The following DHTKD1 variants were observed in gnomAD, a reference collection of about 807,000 sequenced individuals.
DHTKD1 encodes the protein 2-oxoadipate dehydrogenase complex component E1.
DHTKD1 carries 78 observed loss-of-function variants against 101.8 expected under a neutral mutation model. The observed-to-expected ratio is 0.77, with a 90% confidence interval of 0.64 to 0.93. The LOEUF (loss-of-function observed/expected upper bound fraction) is 0.93. Among genes scored for constraint, DHTKD1 ranks in the 40% least tolerant of loss-of-function variants. The pLI, the probability that DHTKD1 is intolerant of heterozygous loss-of-function variation, is 0.00. For missense variants in DHTKD1, 1,223 were observed against 1,161.7 expected (o/e 1.05, Z -0.77); for synonymous variants, 462 against 450.3 (o/e 1.03, Z -0.33).
At chr10:12,084,779 G>T (rs1422742836) in intron 3 of DHTKD1, 28 bp downstream of exon 3, 33 of 1,603,804 alleles carry the variant, frequency 2.1e-5, no homozygotes, top group Non-Finnish European at 2.7e-5. Flanking sequence ...GGCCGGGCAC[G>T]GTGGCTCATG....
rs7914993 is a variant in DHTKD1 at position 12,119,074 on chromosome 10, A to G, written c.2572+156A>G. 0.51 allele frequency among the ~76,000 whole-genome samples: 76,854 copies of G among 151,434 alleles called. 20,121 individuals are homozygous for G. The highest frequency in any genetic ancestry group is 0.59 in the Non-Finnish European group (39,795 of 67,832). On this transcript the variant is annotated intron_variant, in intron 15 of 16. Coordinates refer to ENST00000263035, the MANE Select transcript of DHTKD1 (RefSeq NM_018706.7). ...GTAATCCTGGCACTTTGGGAAGCTG[A>G]GGTGGGTGGATCACAAGGTCAGGAG...
At chr10:12,095,047 C>G (rs767566339) in intron 7 of DHTKD1, among the ~76,000 whole-genome samples, 1 of 152,146 alleles carries the variant, frequency 6.6e-6, no homozygotes, top group Admixed American at 6.6e-5. Context: ...CAAACCTCGC[C>G]CAAATCTATT....
At position 12,087,438 on chromosome 10, in the gene DHTKD1, G is replaced by A; in HGVS notation, c.523-97G>A. The A allele has an allele frequency of 9.9e-7, 1 of 1,012,674 alleles. No individual in the cohort carries two copies. The highest frequency in any genetic ancestry group is 1.5e-6 in the Non-Finnish European group (1 of 683,506). 62.7% of individuals were successfully genotyped at this position (1,012,674 alleles called of 1,614,324 possible). On this transcript the variant is annotated intron_variant, in intron 3 of 16. Coordinates refer to ENST00000263035, the MANE Select transcript of DHTKD1 (RefSeq NM_018706.7). This position sits in a 1 kb window ranked among gnomAD's most constrained non-coding sequence, Gnocchi z 5.2. ...TGGCATTGCTGTGGCCACTTGGGGAGTGTGGGGCCATCTCACAACACACAC... is the reference window on the plus strand; with the variant it reads ...TGGCATTGCTGTGGCCACTTGGGGAATGTGGGGCCATCTCACAACACACAC...
chr10:12,089,832 A>G (rs1372481116), intron 5 of DHTKD1, among the ~76,000 whole-genome samples: 11 of 151,948 alleles, frequency 7.2e-5, no homozygotes, highest in African/African-American at 2.7e-4. Context: ...CACCACGCCC[A>G]GCTAATTTTT....
chr10:12,091,649 A>G lies in DHTKD1; in HGVS notation c.1124A>G (p.Glu375Gly). 1 of 1,614,012 alleles carries G rather than the reference A, an allele frequency of 6.2e-7. No homozygotes were observed. The highest frequency in any genetic ancestry group is 1.7e-5 in the Admixed American group (1 of 59,964). Residue 375 changes from glutamate (E) to glycine (G), a missense_variant, in exon 6 of 17, where the codon GAA becomes GGA. By Grantham distance (98) the Glu-to-Gly change is moderately conservative. Coordinates refer to ENST00000263035, the MANE Select transcript of DHTKD1 (RefSeq NM_018706.7). ...CAGCTGGGTTACACCACTCCAGCTG[A>G]AAGAGGAAGGTCTTCTTTATACTGC... is the stretch of plus-strand genomic sequence containing the variant. ...NNQLGYTTPAERGRSSLYCSD... is the reference protein window; with the variant it reads ...NNQLGYTTPAGRGRSSLYCSD...
Position 12,121,123 on chromosome 10 carries a change from G to A in DHTKD1, c.*235G>A, listed in dbSNP as rs1833520490. On this transcript the variant is annotated 3_prime_UTR_variant, in exon 17 of 17. Transcript: ENST00000263035. ...TGATCCCAGCTTCCTGGGAGGCTGAGGCAAGAGAATCGCTTGAATCTGGGA... is the reference window on the plus strand; with the variant it reads ...TGATCCCAGCTTCCTGGGAGGCTGAAGCAAGAGAATCGCTTGAATCTGGGA... 2.5e-6 allele frequency: 1 copy of A among 400,884 alleles called. No homozygotes were observed. Among genetic ancestry groups the A allele is most frequent in the Non-Finnish European group, 4.8e-6 (1 of 210,238 alleles). The allele number at this position is 400,884 out of a possible 1,614,324, so 24.8% of individuals were successfully genotyped here.
intron 7 of DHTKD1, among the ~76,000 whole-genome samples, chr10:12,096,167 C>T (rs1372698635): frequency 1.3e-5 from 2 of 152,088 alleles, no homozygotes; most frequent in East Asian, 1.9e-4. Flanking sequence ...GAATTTGTTA[C>T]TTTGGAACTT....
At chr10:12,077,512 C>T (rs886086696) in intron 1 of DHTKD1, among the ~76,000 whole-genome samples, 4 of 152,226 alleles carry the variant, frequency 2.6e-5, no homozygotes, top group East Asian at 3.8e-4. Context: ...GCTGGGATTA[C>T]AGGCATGAGC....
In DHTKD1 at chr10:12,089,092, C is replaced by T. The variant is rs374760148; in HGVS notation, c.824C>T (p.Ala275Val). The T allele has an allele frequency of 9.9e-6, 16 of 1,614,042 alleles. No individual in the cohort carries two copies. Among genetic ancestry groups the T allele is most frequent in the South Asian group, 3.3e-5 (3 of 91,094 alleles). Residue 275 changes from alanine to valine, a missense_variant, in exon 5 of 17, where the codon GCG becomes GTG. Physicochemically the swap from Ala to Val is moderately conservative, Grantham distance 64. Coordinates refer to ENST00000263035, the MANE Select transcript of DHTKD1 (RefSeq NM_018706.7). Reference sequence around the variant, plus strand: ...TCCTCTGTGGACCTGTACTTTGGGGCGCACCATCCCCTCCATGTGACAATG... The same window carrying T: ...TCCTCTGTGGACCTGTACTTTGGGGTGCACCATCCCCTCCATGTGACAATG... Reference protein sequence around the residue: ...LTSSVDLYFGAHHPLHVTMLP... With the variant: ...LTSSVDLYFGVHHPLHVTMLP...
chr10:12,115,633 C>A (rs1199177689), intron 13 of DHTKD1, among the ~76,000 whole-genome samples: 1 of 152,170 alleles, frequency 6.6e-6, no homozygotes, highest in Non-Finnish European at 1.5e-5. Flanking sequence ...AGTGGTCTAC[C>A]GGTTCTTTCT....
intron 13 of DHTKD1, among the ~76,000 whole-genome samples, chr10:12,115,657 G>T (rs1206327927): frequency 6.6e-6 from 1 of 152,058 alleles, no homozygotes; most frequent in Non-Finnish European, 1.5e-5. Flanking sequence ...CCAGTGTTTC[G>T]CAAACAACCT....
At chr10:12,096,635 C>A in intron 7 of DHTKD1, among the ~76,000 whole-genome samples, 1 of 152,360 alleles carries the variant, frequency 6.6e-6, no homozygotes, top group Non-Finnish European at 1.5e-5. Context: ...CAGGCATGAG[C>A]CTCCTCACCT....
chr10:12,077,754 T>C (rs1832756044), intron 1 of DHTKD1, among the ~76,000 whole-genome samples: 1 of 152,042 alleles, frequency 6.6e-6, no homozygotes, highest in East Asian at 1.9e-4. Flanking sequence ...CTGAGTACCT[T>C]CACGTCGTAC....
rs1364304606 is a variant in DHTKD1 at position 12,103,710 on chromosome 10, C to T, written c.1896+2529C>T. On this transcript the variant is annotated intron_variant, in intron 10 of 16. Coordinates refer to ENST00000263035, the MANE Select transcript of DHTKD1 (RefSeq NM_018706.7). This position sits in a 1 kb window ranked among gnomAD's most constrained non-coding sequence, Gnocchi z 4.8. Reference sequence around the variant, plus strand: ...TTAAATATTTTGTAGAGATAGGAGTCTCACTGTGATGGCCAGTGTCATCTT... The same window carrying T: ...TTAAATATTTTGTAGAGATAGGAGTTTCACTGTGATGGCCAGTGTCATCTT... Among the ~76,000 whole-genome samples, 7 of 152,206 alleles carry T rather than the reference C, an allele frequency of 4.6e-5. No homozygotes were observed. The highest frequency in any genetic ancestry group is 8.8e-5 in the Non-Finnish European group (6 of 68,020).
Position 12,107,722 on chromosome 10 carries a change from A to G in DHTKD1, c.2048-187A>G, listed in dbSNP as rs1361373754. ...TGTGAGCCACCGTGCCTAGCCCATG[A>G]TAGGTTTTCATTCAATGAAATGGAC... On this transcript the variant is annotated intron_variant, in intron 11 of 16. Transcript: ENST00000263035. This position sits in a 1 kb window ranked among gnomAD's most constrained non-coding sequence, Gnocchi z 4.1. 6.6e-6 allele frequency among the ~76,000 whole-genome samples: 1 copy of G among 152,150 alleles called. No homozygotes were observed. The highest frequency in any genetic ancestry group is 1.5e-5 in the Non-Finnish European group (1 of 68,030).
At chr10:12,095,730 G>A (rs1034492281) in intron 7 of DHTKD1, among the ~76,000 whole-genome samples, 1 of 139,926 alleles carries the variant, frequency 7.1e-6, no homozygotes, top group Non-Finnish European at 1.5e-5. Flanking sequence ...GGAGAATGGC[G>A]TGAACCCGGG....
intron 6 of DHTKD1, 41 bp downstream of exon 6, chr10:12,091,725 A>G (rs777183080): frequency 2.1e-5 from 33 of 1,591,482 alleles, no homozygotes; most frequent in Non-Finnish European, 2.6e-6. Flanking sequence ...TGAAGCCGAC[A>G]TGGAATTCCT....
At chr10:12,112,868 A>T (rs182688073) in intron 12 of DHTKD1, 32 bp from the exon 13 acceptor site, 2 of 1,572,192 alleles carry the variant, frequency 1.3e-6, no homozygotes, top group African/African-American at 1.4e-5. Flanking sequence ...TGATCTGAAC[A>T]TTCTTCTCCT....
intron 14 of DHTKD1, among the ~76,000 whole-genome samples, chr10:12,118,385 C>CTT (rs56119960): frequency 0.043 from 5,947 of 137,308 alleles, 325 homozygotes; most frequent in African/African-American, 0.13. Context: ...ACATAATTCT[C>CTT]TTTTTTTTTT....
Sources: allele counts gnomAD v4.1 joint callset (sites outside exome capture counted in the v4.1 genomes callset), GRCh38; gene constraint gnomAD v4.1.1; non-coding constraint Gnocchi (gnomAD v3.1); transcripts MANE v1.5; gene names NCBI Gene and HGNC (gene_info 2026-07-23, HGNC 2026-07-21).